The following FSTL5 variants were observed in gnomAD, a reference collection of about 807,000 sequenced individuals.
FSTL5 encodes the protein follistatin-related protein 5.
A neutral mutation model predicts 89.1 loss-of-function variants in FSTL5; 62 were observed. The ratio of observed to expected loss-of-function variants is 0.70; its 90% confidence interval spans 0.57 to 0.86. FSTL5 has a LOEUF of 0.86. Ranked by LOEUF, FSTL5 falls within the 40% of genes least tolerant of loss-of-function variation. The probability of loss-of-function intolerance (pLI) is 0.00; values close to 1 mark genes in which losing one functional copy is unlikely to be tolerated. For synonymous variants in FSTL5, 383 were observed against 346.2 expected, an observed-to-expected ratio of 1.11 and a Z score of -1.18; for missense variants, 1,057 against 1,001.6, an observed-to-expected ratio of 1.06 and a Z score of -0.75.
chr4:161,471,241 T>C (rs928501132), intron 13 of FSTL5, among the ~76,000 whole-genome samples: 12 of 152,236 alleles, frequency 7.9e-5, no homozygotes, highest in Admixed American at 4.6e-4. Flanking sequence ...CCATTCCTAG[T>C]TTTTTGAGTA....
At chr4:161,524,249 A>T (rs1731131071) in intron 10 of FSTL5, among the ~76,000 whole-genome samples, 1 of 152,174 alleles carries the variant, frequency 6.6e-6, no homozygotes, top group Admixed American at 6.5e-5. Context: ...TATAGCCTGG[A>T]AGCCCACCCC....
intron 2 of FSTL5, among the ~76,000 whole-genome samples, chr4:162,035,610 T>C (rs1428744027): frequency 6.6e-6 from 1 of 152,086 alleles, no homozygotes; most frequent in Non-Finnish European, 1.5e-5. Flanking sequence ...TTGGGGCATT[T>C]GGTAGGACTT....
intron 15 of FSTL5, among the ~76,000 whole-genome samples, chr4:161,440,991 CAA>C (rs567782118): frequency 1.5e-3 from 222 of 152,198 alleles, no homozygotes; most frequent in African/African-American, 5.3e-3. Flanking sequence ...AATAAGCACA[CAA>C]GTTTATTATT....
chr4:161,783,996 C>T (rs1036522258), intron 4 of FSTL5, among the ~76,000 whole-genome samples: 14 of 151,280 alleles, frequency 9.3e-5, no homozygotes, highest in African/African-American at 2.9e-4. Context: ...AGTGCGGTGG[C>T]GTGATCTCGG....
At chr4:161,684,594 T>C (rs778442606) in intron 6 of FSTL5, among the ~76,000 whole-genome samples, 2 of 152,180 alleles carry the variant, frequency 1.3e-5, no homozygotes, top group Non-Finnish European at 2.9e-5. Flanking sequence ...TTCATGTCCT[T>C]AGCCCACTTT....
intron 6 of FSTL5, among the ~76,000 whole-genome samples, chr4:161,716,748 A>G (rs1460056236): frequency 6.6e-6 from 1 of 152,038 alleles, no homozygotes; most frequent in Non-Finnish European, 1.5e-5. Context: ...AGAATGTGAG[A>G]CTTTATGTAT....
intron 4 of FSTL5, among the ~76,000 whole-genome samples, chr4:161,796,563 T>A (rs1484989646): frequency 6.6e-6 from 1 of 151,826 alleles, no homozygotes; most frequent in South Asian, 2.1e-4. Flanking sequence ...TTTTGATTAT[T>A]GAAATCTTTG....
intron 4 of FSTL5, among the ~76,000 whole-genome samples, chr4:161,883,242 G>A (rs1160034714): frequency 6.6e-6 from 1 of 152,202 alleles, no homozygotes; most frequent in Admixed American, 6.5e-5. Context: ...AGCTCCTGCT[G>A]AGACTGTCAG....
intron 3 of FSTL5, among the ~76,000 whole-genome samples, chr4:162,006,000 T>A (rs1414401583): frequency 6.6e-6 from 1 of 152,026 alleles, no homozygotes; most frequent in Admixed American, 6.6e-5. Context: ...TTATACTACC[T>A]CCCATCTCCC....
intron 8 of FSTL5, among the ~76,000 whole-genome samples, chr4:161,546,910 C>T (rs1334579180): frequency 6.6e-6 from 1 of 151,974 alleles, no homozygotes; most frequent in Non-Finnish European, 1.5e-5. Context: ...TCACTTTACA[C>T]ATGGGACCTG....
At chr4:161,918,328 A>G (rs1268736898) in intron 4 of FSTL5, among the ~76,000 whole-genome samples, 1 of 152,130 alleles carries the variant, frequency 6.6e-6, no homozygotes, top group African/African-American at 2.4e-5. Flanking sequence ...ACATAAGCAA[A>G]CAAAAGACCC....
intron 15 of FSTL5, among the ~76,000 whole-genome samples, chr4:161,442,814 G>A (rs1235961814): frequency 6.6e-6 from 1 of 151,920 alleles, no homozygotes; most frequent in Non-Finnish European, 1.5e-5. Context: ...TGGATAATAT[G>A]CATGCTTTAG....
intron 6 of FSTL5, among the ~76,000 whole-genome samples, chr4:161,733,812 T>C (rs1462371676): frequency 6.6e-6 from 1 of 152,062 alleles, no homozygotes; most frequent in Non-Finnish European, 1.5e-5. Flanking sequence ...TTAAAATATT[T>C]GATTATATTT....
At chr4:161,827,457 G>A (rs1395690945) in intron 4 of FSTL5, among the ~76,000 whole-genome samples, 2 of 152,326 alleles carry the variant, frequency 1.3e-5, no homozygotes, top group South Asian at 2.1e-4. Context: ...ACTTTCAAGA[G>A]TGCATCAGAT....
chr4:161,877,776 A>AGATC (rs1212235144), intron 4 of FSTL5, among the ~76,000 whole-genome samples: 1 of 151,900 alleles, frequency 6.6e-6, no homozygotes, highest in Admixed American at 6.6e-5. Flanking sequence ...CAGTGAGCCG[A>AGATC]GATCGCGCCA....
chr4:161,437,548 A>G (rs1732604487), intron 15 of FSTL5, among the ~76,000 whole-genome samples: 1 of 134,582 alleles, frequency 7.4e-6, no homozygotes, highest in Admixed American at 8.6e-5. Context: ...GCCTGGTGAC[A>G]GAGTGAGACT....
intron 13 of FSTL5, among the ~76,000 whole-genome samples, chr4:161,476,189 G>GTTTTTTTTTTT (rs1241724019): frequency 9.4e-6 from 1 of 106,892 alleles, no homozygotes; most frequent in African/African-American, 3.8e-5. Flanking sequence ...TTTTTTTTTT[G>GTTTTTTTTTTT]TTTGTTTGTT....
At chr4:161,524,967 A>AG (rs1249369703) in intron 10 of FSTL5, among the ~76,000 whole-genome samples, 1 of 152,032 alleles carries the variant, frequency 6.6e-6, no homozygotes, top group Non-Finnish European at 1.5e-5. Flanking sequence ...CAAAAAAAAA[A>AG]AAAAAGTTTC....
intron 6 of FSTL5, among the ~76,000 whole-genome samples, chr4:161,658,570 C>G (rs1400498117): frequency 6.7e-6 from 1 of 150,124 alleles, no homozygotes; most frequent in Non-Finnish European, 1.5e-5. Context: ...CATATAAAAC[C>G]ACACATACAT....
Sources: allele counts gnomAD v4.1 joint callset (sites outside exome capture counted in the v4.1 genomes callset), GRCh38; gene constraint gnomAD v4.1.1; transcripts MANE v1.5; gene names NCBI Gene and HGNC (gene_info 2026-07-23, HGNC 2026-07-21).